Variants in OAS3 observed in about 807,000 individuals in gnomAD.
OAS3 encodes 2'-5'-oligoadenylate synthase 3.
In OAS3, 107 loss-of-function variants were observed where a neutral mutation model predicts 113.0. The ratio of observed to expected loss-of-function variants is 0.95; its 90% CI spans 0.81 to 1.11. The LOEUF is 1.11. OAS3 is among the 50% of genes most tolerant of loss of function. The pLI, the probability that OAS3 is intolerant of heterozygous loss-of-function variation, is 0.00. For missense variants in OAS3, 1,258 were observed against 1,389.1 expected (o/e 0.91, Z 1.50); for synonymous variants, 552 against 573.6 (o/e 0.96, Z 0.54).
At chr12:112,958,329 C>A (rs923502777) in intron 7 of OAS3, among the ~76,000 whole-genome samples, 5 of 152,232 alleles carry the variant, frequency 3.3e-5, no homozygotes, top group Admixed American at 2.6e-4. Context: ...TTGTCTGAAG[C>A]CTTCTTCTCT....
intron 12 of OAS3, 78 bp downstream of exon 12, chr12:112,966,107 G>C: frequency 7.0e-7 from 1 of 1,438,778 alleles, no homozygotes; most frequent in Non-Finnish European, 9.6e-7. Flanking sequence ...AGGTTGCACA[G>C]TACACAACCA....
In OAS3 at chr12:112,948,995, T is replaced by C. The variant is rs1454138583; in HGVS notation, c.1164T>C (p.Ala388=). ...RAGSKPPSCP[A]PGPTGAASIV... The stretch of plus-strand genomic sequence containing the variant: ...GGAGCAAACCTCCCTCATGCCCAGC[T>C]CCTGGCCCCACTGGGGCAGCCAGCA... The change falls in exon 6 of 16, where the codon GCT becomes GCC. Residue 388 remains alanine (A), a synonymous_variant. Coordinates refer to ENST00000228928, the MANE Select transcript of OAS3 (RefSeq NM_006187.4). 1.9e-6 allele frequency: 3 copies of C among 1,613,984 alleles called. No homozygotes were observed. Among genetic ancestry groups the C allele is most frequent in the Non-Finnish European group, 2.5e-6 (3 of 1,179,886 alleles).
chr12:112,943,678 A>T (rs1453450273), intron 2 of OAS3, among the ~76,000 whole-genome samples: 1 of 152,140 alleles, frequency 6.6e-6, no homozygotes, highest in Non-Finnish European at 1.5e-5. Context: ...GATACATGTA[A>T]AGACCTTCTG....
rs751982379 is a variant in OAS3, at chr12:112,969,644, C to T, written c.3141C>T (p.Asn1047=). 1.2e-6 allele frequency: 2 copies of T among 1,606,424 alleles called. No individual in the cohort carries two copies. The highest frequency in any genetic ancestry group is 2.2e-5 in the East Asian group (1 of 44,594). ...TGGATCCGGCTGACCCGACAGGCAA[C>T]CTGGGCCACAATGCCCGCTGGGACC... ...IILDPADPTG[N]LGHNARWDLL... Residue 1047 remains asparagine, a synonymous_variant, in exon 15 of 16, where the codon AAC becomes AAT. Transcript: ENST00000228928.
At chr12:112,948,183 T>C (rs2136347789) in intron 5 of OAS3, 84 bp downstream of exon 5, 2 of 1,352,618 alleles carry the variant, frequency 1.5e-6, no homozygotes, top group East Asian at 2.7e-5. Flanking sequence ...ATGTGCCATA[T>C]GGTGTGGAAC....
chr12:112,954,266 TTGTC>T lies in OAS3; in HGVS notation c.1657+3295_1657+3298del, dbSNP rs2043814769. The stretch of plus-strand genomic sequence containing the variant: ...AGGGAATCCTTTCCCCATTTCTTGT[TTGTC>T]TGTTTGTTTGTTTGTTGTTGTTGTT... On this transcript the variant is annotated intron_variant, in intron 7 of 15. Transcript: ENST00000228928. The surrounding 1 kb of genome is among the most constrained non-coding windows in gnomAD (Gnocchi z 4.0). Among the ~76,000 whole-genome samples, 2 of 151,586 alleles carry T rather than the reference TTGTC, an allele frequency of 1.3e-5. No homozygotes were observed. The highest frequency in any genetic ancestry group is 1.9e-4 in the East Asian group (1 of 5,186).
In OAS3 at chr12:112,967,472, A is replaced by C; in HGVS notation, c.2744A>C (p.His915Pro). ...TCTCAAGTCTACGTCGACCTCATCC[A>C]CAGCTACAGCAATGCGGGCGAGTAC... Reference protein sequence around the residue: ...PSSQVYVDLIHSYSNAGEYST... With the variant: ...PSSQVYVDLIPSYSNAGEYST... Residue 915 changes from histidine to proline, a missense_variant, in exon 13 of 16, where the codon CAC becomes CCC. Transcript: ENST00000228928. 1 of 1,613,696 alleles carries C rather than the reference A, an allele frequency of 6.2e-7. No homozygotes were observed. Among genetic ancestry groups the C allele is most frequent in the Non-Finnish European group, 8.5e-7 (1 of 1,179,786 alleles).
intron 7 of OAS3, among the ~76,000 whole-genome samples, chr12:112,951,967 G>A (rs768402873): frequency 6.6e-6 from 1 of 152,036 alleles, no homozygotes; most frequent in Non-Finnish European, 1.5e-5. Flanking sequence ...AGCTGAGATT[G>A]CACCACTGCA....
Position 112,941,853 on chromosome 12 carries a change from G to C in OAS3, c.460+1G>C. The C allele has an allele frequency of 6.2e-7, 1 of 1,614,002 alleles. No individual in the cohort carries two copies. The highest frequency in any genetic ancestry group is 1.1e-5 in the South Asian group (1 of 91,088). ...CTGGTGCCTGCCTTCAATGTCCTGG[G>C]TGAGGGGTTCCTAGACCATTCCAGG... On this transcript the variant is annotated splice_donor_variant, in intron 2 of 15. Transcript: ENST00000228928. LOFTEE classifies it high-confidence loss of function.
In OAS3 at chr12:112,939,306, C is replaced by CTT. The variant is rs58792765; in HGVS notation, c.177+629_177+630dup. On this transcript the variant is annotated intron_variant, in intron 1 of 15. Coordinates refer to ENST00000228928, the MANE Select transcript of OAS3 (RefSeq NM_006187.4). ...GCTAAATTACTACTCTGAGTCACAT[C>CTT]TTTTTTTTTTTTTTTTTTTTTTTTT... 6.9e-4 allele frequency among the ~76,000 whole-genome samples: 47 copies of CTT among 68,306 alleles called. 6 individuals carry two copies. Among genetic ancestry groups the CTT allele is most frequent in the Middle Eastern group, 0.021 (2 of 96 alleles). 44.8% of individuals were successfully genotyped at this position (68,306 alleles called of 152,430 possible).
chr12:112,948,810 A>C, intron 5 of OAS3, 51 bp from the exon 6 acceptor site: 1 of 1,405,986 alleles, frequency 7.1e-7, no homozygotes, highest in Non-Finnish European at 9.7e-7. Flanking sequence ...CATTGGGTTG[A>C]TGCAGAAACC....
rs2043905043 is a variant in OAS3 at position 112,963,305 on chromosome 12, G to A, written c.2085-8G>A. The A allele has an allele frequency of 1.0e-5, 16 of 1,564,000 alleles. No homozygotes were observed. The highest frequency in any genetic ancestry group is 1.3e-5 in the Non-Finnish European group (15 of 1,152,590). ...CCTTCCCCACCCACCTTCCTGCTGT[G>A]CCCCCAGACCCCTGGTCCTGGACCC... On this transcript the variant is annotated splice_region_variant and splice_polypyrimidine_tract_variant and intron_variant, in intron 9 of 15. Coordinates refer to ENST00000228928, the MANE Select transcript of OAS3 (RefSeq NM_006187.4). This position sits in a 1 kb window ranked among gnomAD's most constrained non-coding sequence, Gnocchi z 4.6.
At chr12:112,962,303 A>G (rs1400275542) in intron 8 of OAS3, among the ~76,000 whole-genome samples, 1 of 152,208 alleles carries the variant, frequency 6.6e-6, no homozygotes, top group Non-Finnish European at 1.5e-5. Context: ...ACCCCATGTT[A>G]TGTGATTAAT....
Position 112,948,942 on chromosome 12 carries a change from A to G in OAS3, c.1111A>G (p.Ser371Gly). 1 of 1,613,086 alleles carries G rather than the reference A, an allele frequency of 6.2e-7. No homozygotes were observed. Among genetic ancestry groups the G allele is most frequent in the Non-Finnish European group, 8.5e-7 (1 of 1,179,520 alleles). The change falls in exon 6 of 16, where the codon AGC becomes GGC. Residue 371 changes from serine to glycine, a missense_variant. Ser to Gly is a moderately conservative substitution (Grantham distance 56). Coordinates refer to ENST00000228928, the MANE Select transcript of OAS3 (RefSeq NM_006187.4). Reference sequence around the variant, plus strand: ...CCAGAAGACCCCTGAAAACAGCAAGAGCCTCAATGCTGTGTACCCAAGAGC... The same window carrying G: ...CCAGAAGACCCCTGAAAACAGCAAGGGCCTCAATGCTGTGTACCCAAGAGC... ...PNQKTPENSK[S>G]LNAVYPRAGS... is the part of the protein sequence containing the mutation.
At chr12:112,953,293 C>A (rs1435253320) in intron 7 of OAS3, among the ~76,000 whole-genome samples, 2 of 152,196 alleles carry the variant, frequency 1.3e-5, no homozygotes, top group Non-Finnish European at 2.9e-5. Context: ...CAACTTCATC[C>A]ATGTCCCTAC....
Position 112,964,342 on chromosome 12 carries a change from C to T in OAS3, c.2337C>T (p.Thr779=), listed in dbSNP as rs768738333. ...FLAQVNKAVD[T]ICSFLKENCF... ...CCCAGGTGAACAAGGCCGTTGATAC[C>T]ATCTGTTCATTTTTGAAGGAAAACT... Residue 779 remains threonine (T), a synonymous_variant, in exon 11 of 16, where the codon ACC becomes ACT. Coordinates refer to ENST00000228928, the MANE Select transcript of OAS3 (RefSeq NM_006187.4). The T allele has an allele frequency of 8.1e-6, 13 of 1,611,896 alleles. No homozygotes were observed. The highest frequency in any genetic ancestry group is 1.0e-5 in the Non-Finnish European group (12 of 1,179,158).
chr12:112,965,659 C>T lies in OAS3; in HGVS notation c.2404-85C>T. ...AGGTTAGATGACTTGTCCAAGGTCACACAGTAGGTTTTCTAACTCACAGTC... is the reference window on the plus strand; with the variant it reads ...AGGTTAGATGACTTGTCCAAGGTCATACAGTAGGTTTTCTAACTCACAGTC... On this transcript the variant is annotated intron_variant, in intron 11 of 15. Coordinates refer to ENST00000228928, the MANE Select transcript of OAS3 (RefSeq NM_006187.4). 3.1e-6 allele frequency: 4 copies of T among 1,295,536 alleles called. No individual in the cohort carries two copies. The African/African-American group carries it at 4.4e-5, about 14-fold the overall frequency. 80.3% of individuals were successfully genotyped at this position (1,295,536 alleles called of 1,614,324 possible).
rs370576276 is a variant in OAS3 at position 112,938,555 on chromosome 12, G to A, written c.25G>A (p.Ala9Thr). The change falls in exon 1 of 16, where the codon GCT becomes ACT. Residue 9 changes from alanine (A) to threonine (T), a missense_variant. By Grantham distance (58) the Ala-to-Thr change is moderately conservative (BLOSUM62 0). Transcript: ENST00000228928. Reference protein sequence around the residue: MDLYSTPAAALDRFVARRL... With the variant: MDLYSTPATALDRFVARRL... The stretch of plus-strand genomic sequence containing the variant: ...CATGGACTTGTACAGCACCCCGGCC[G>A]CTGCGCTGGACAGGTTCGTGGCCAG... 1.2e-6 allele frequency: 2 copies of A among 1,608,110 alleles called. No individual in the cohort carries two copies. The highest frequency in any genetic ancestry group is 1.3e-5 in the African/African-American group (1 of 74,566).
chr12:112,958,234 C>T (rs150098964), intron 7 of OAS3, among the ~76,000 whole-genome samples: 126 of 152,306 alleles, frequency 8.3e-4, no homozygotes, highest in African/African-American at 3.0e-3. Flanking sequence ...GTTAGCCATT[C>T]GTTTAATCTT....
Sources: allele counts gnomAD v4.1 joint callset (sites outside exome capture counted in the v4.1 genomes callset), GRCh38; gene constraint gnomAD v4.1.1; non-coding constraint Gnocchi (gnomAD v3.1); transcripts MANE v1.5; gene names NCBI Gene and HGNC (gene_info 2026-07-23, HGNC 2026-07-21).